The following SNX9 variants were observed in gnomAD, a reference collection of about 807,000 sequenced individuals.
SNX9 encodes sorting nexin-9.
A neutral mutation model predicts 89.4 loss-of-function variants in SNX9; 44 were observed. That is an observed-to-expected ratio of 0.49 (90% CI 0.39 to 0.63). The LOEUF is 0.63. Ranked by LOEUF, SNX9 falls within the 30% of genes least tolerant of loss-of-function variation. The pLI is 0.00. For synonymous variants in SNX9, 236 were observed against 247.8 expected (o/e 0.95, Z 0.45); for missense variants, 578 against 736.1 (o/e 0.79, Z 2.49).
intron 9 of SNX9, among the ~76,000 whole-genome samples, chr6:157,917,621 C>T (rs1783499805): frequency 1.3e-5 from 2 of 152,044 alleles, no homozygotes; most frequent in South Asian, 4.1e-4. Flanking sequence ...TACCAAAATC[C>T]ATTGATGCTC....
intron 5 of SNX9, among the ~76,000 whole-genome samples, chr6:157,898,808 G>A (rs535537594): frequency 8.5e-5 from 13 of 152,306 alleles, no homozygotes; most frequent in Non-Finnish European, 1.5e-4. Flanking sequence ...TCACTTGTAA[G>A]CCCAAAGCAG....
At chr6:157,914,503 T>G (rs1783422115) in intron 9 of SNX9, among the ~76,000 whole-genome samples, 1 of 104,754 alleles carries the variant, frequency 9.5e-6, no homozygotes, top group South Asian at 3.4e-4. Context: ...GGAGACAGGG[T>G]CTCACTGTCG....
At chr6:157,841,068 T>C (rs750510233) in intron 1 of SNX9, among the ~76,000 whole-genome samples, 3 of 152,118 alleles carry the variant, frequency 2.0e-5, no homozygotes, top group African/African-American at 4.8e-5. Flanking sequence ...GCCCCAGCAG[T>C]CTTGAGAGCA....
At chr6:157,870,065 C>T (rs112370027) in intron 2 of SNX9, among the ~76,000 whole-genome samples, 16 of 151,894 alleles carry the variant, frequency 1.1e-4, no homozygotes, top group African/African-American at 3.9e-4. Context: ...AGCACGCACA[C>T]ACACCCTCTT....
chr6:157,883,942 G>A (rs1221441868), intron 4 of SNX9, among the ~76,000 whole-genome samples: 1 of 152,124 alleles, frequency 6.6e-6, no homozygotes, highest in African/African-American at 2.4e-5. Context: ...AAGAGACTTT[G>A]TACCATAATA....
At chr6:157,926,718 A>G (rs917629210) in intron 10 of SNX9, among the ~76,000 whole-genome samples, 1 of 148,948 alleles carries the variant, frequency 6.7e-6, no homozygotes, top group Non-Finnish European at 1.5e-5. Flanking sequence ...AAGCTCAAGG[A>G]TACAGTGAGC....
chr6:157,831,827 CTTGCTCTAG>C (rs1194177745), intron 1 of SNX9, among the ~76,000 whole-genome samples: 1 of 152,216 alleles, frequency 6.6e-6, no homozygotes, highest in Non-Finnish European at 1.5e-5. Context: ...CAGGTATTAG[CTTGCTCTAG>C]TTGCTGGAAC....
chr6:157,858,482 A>C (rs989250707), intron 1 of SNX9, among the ~76,000 whole-genome samples: 1 of 152,002 alleles, frequency 6.6e-6, no homozygotes, highest in Non-Finnish European at 1.5e-5. Context: ...TCGACTTCCC[A>C]AAGTGCTGGG....
chr6:157,926,033 C>A (rs1400417716), intron 10 of SNX9, among the ~76,000 whole-genome samples: 2 of 152,204 alleles, frequency 1.3e-5, no homozygotes, highest in Non-Finnish European at 2.9e-5. Flanking sequence ...GGATGCTAAT[C>A]TCATTCACAA....
intron 1 of SNX9, among the ~76,000 whole-genome samples, chr6:157,857,453 C>CT (rs200115965): frequency 4.0e-5 from 6 of 151,850 alleles, no homozygotes; most frequent in African/African-American, 9.7e-5. Context: ...ATGTGATTAC[C>CT]TTTTTTAAAA....
Position 157,941,550 on chromosome 6 carries a change from A to G in SNX9, c.1740+576A>G, listed in dbSNP as rs567872870. ...TTACCAGAGTCTATAGAAAACAAAA[A>G]TCTAGTAGCATGTCTCCCTCAGACA... On this transcript the variant is annotated intron_variant, in intron 17 of 17. Transcript: ENST00000392185. 7.2e-5 allele frequency among the ~76,000 whole-genome samples: 11 copies of G among 152,332 alleles called. No homozygotes were observed. The South Asian group carries it at 2.1e-3, about 29-fold the overall frequency.
At chr6:157,865,199 TGTG>T (rs1417395185) in intron 1 of SNX9, among the ~76,000 whole-genome samples, 4 of 151,460 alleles carry the variant, frequency 2.6e-5, no homozygotes, top group Non-Finnish European at 5.9e-5. Flanking sequence ...ATTAGCCAAG[TGTG>T]GTGGTAGGCG....
intron 2 of SNX9, among the ~76,000 whole-genome samples, chr6:157,872,213 TAA>T (rs1453020244): frequency 6.6e-6 from 1 of 152,192 alleles, no homozygotes; most frequent in African/African-American, 2.4e-5. Context: ...AATATTTAGA[TAA>T]AGTTTCTTCC....
chr6:157,885,246 G>A (rs1165855642), intron 4 of SNX9: 2 of 152,130 alleles, frequency 1.3e-5, no homozygotes, highest in African/African-American at 4.8e-5. Context: ...CAGTAATGTT[G>A]ATATGACTGG....
chr6:157,881,583 A>T (rs770328712), intron 4 of SNX9, among the ~76,000 whole-genome samples: 1 of 152,330 alleles, frequency 6.6e-6, no homozygotes, highest in African/African-American at 2.4e-5. Context: ...CCAAGTTGTG[A>T]CTGCAAAGGA....
chr6:157,901,226 A>G (rs918540048), intron 5 of SNX9, among the ~76,000 whole-genome samples: 10 of 152,226 alleles, frequency 6.6e-5, no homozygotes, highest in African/African-American at 2.4e-4. Context: ...TACAATAATC[A>G]GGAGCATTTC....
At chr6:157,898,989 C>T (rs893279796) in intron 5 of SNX9, among the ~76,000 whole-genome samples, 8 of 151,942 alleles carry the variant, frequency 5.3e-5, no homozygotes, top group African/African-American at 7.3e-5. Flanking sequence ...ATTTGTCTCT[C>T]GGCTTCTCCA....
At chr6:157,890,372 A>C (rs1047196567) in intron 4 of SNX9, among the ~76,000 whole-genome samples, 2 of 152,176 alleles carry the variant, frequency 1.3e-5, no homozygotes, top group African/African-American at 4.8e-5. Flanking sequence ...AAATCCTTTG[A>C]GTGAATGTGT....
chr6:157,937,490 T>A lies in SNX9; in HGVS notation c.1500T>A (p.Leu500=). 2 of 1,614,062 alleles carry A rather than the reference T, an allele frequency of 1.2e-6. No homozygotes were observed. Among genetic ancestry groups the A allele is most frequent in the South Asian group, 2.2e-5 (2 of 91,082 alleles). ...GTAATCACGAGTATAAAGGTTTTCTTGGCTGCTTCCCTGACATCATTGGCA... is the reference window on the plus strand; with the variant it reads ...GTAATCACGAGTATAAAGGTTTTCTAGGCTGCTTCCCTGACATCATTGGCA... ...MECNHEYKGF[L]GCFPDIIGTH... Residue 500 remains leucine, a synonymous_variant, in exon 15 of 18, where the codon CTT becomes CTA. Transcript: ENST00000392185.
Sources: gnomAD v4.1 joint callset for allele counts (sites outside exome capture counted in the v4.1 genomes callset) on GRCh38, gnomAD v4.1.1 for gene constraint, MANE v1.5 for transcripts, NCBI Gene and HGNC (gene_info 2026-07-23, HGNC 2026-07-21) for gene names.